Variants in FAM20A observed in about 807,000 individuals in gnomAD.
The protein encoded by FAM20A is FAM20A golgi associated secretory pathway pseudokinase.
FAM20A carries 42 observed loss-of-function variants against 52.0 expected under a neutral mutation model. That is an observed-to-expected ratio of 0.81 (90% confidence interval 0.63 to 1.04). The LOEUF (loss-of-function observed/expected upper bound fraction) is 1.04. FAM20A is among the 50% of genes least tolerant of loss of function. The pLI is 0.00. For synonymous variants in FAM20A, 304 were observed against 298.9 expected (o/e 1.02, Z -0.18); for missense variants, 742 against 712.7 (o/e 1.04, Z -0.47).
In FAM20A at chr17:68,575,616, AT is replaced by A. The variant is rs1203625465; in HGVS notation, c.405-19874del. 1.1e-4 allele frequency among the ~76,000 whole-genome samples: 12 copies of A among 108,862 alleles called. No individual in the cohort carries two copies. The East Asian group carries it at 1.2e-3, about 11-fold the overall frequency. The allele number at this position is 108,862 out of a possible 152,430, so 71.4% of individuals were successfully genotyped here. A position where few individuals can be genotyped will look rare whatever the true frequency, so the allele number is the denominator to read the frequency against. Reference sequence around the variant, plus strand: ...ATACATTATATATAATATATTCTATATTATATATAAAATATAATATAGAATA... The same window carrying A: ...ATACATTATATATAATATATTCTATATATATATAAAATATAATATAGAATA... On this transcript the variant is annotated intron_variant, in intron 1 of 10. Transcript: ENST00000592554.
chr17:68,584,135 G>A (rs958790094), intron 1 of FAM20A, among the ~76,000 whole-genome samples: 4 of 151,710 alleles, frequency 2.6e-5, no homozygotes, highest in African/African-American at 4.8e-5. Context: ...TGACCAACAC[G>A]GTGAAACCCT....
At chr17:68,554,016 A>G (rs2086969434) in intron 3 of FAM20A, among the ~76,000 whole-genome samples, 1 of 91,628 alleles carries the variant, frequency 1.1e-5, no homozygotes. Flanking sequence ...GCATATATAC[A>G]TATATACATA....
chr17:68,552,924 A>G (rs981248431), intron 3 of FAM20A, among the ~76,000 whole-genome samples: 1 of 106,186 alleles, frequency 9.4e-6, no homozygotes, highest in Non-Finnish European at 2.2e-5. Context: ...CTCATGATCC[A>G]CCCGCCTCGG....
chr17:68,543,761 C>T, intron 4 of FAM20A, 40 bp from the exon 5 acceptor site: 1 of 1,555,588 alleles, frequency 6.4e-7, no homozygotes, highest in Non-Finnish European at 8.9e-7. Flanking sequence ...ACTCAGACTT[C>T]AGCTGGGAGC....
In FAM20A at chr17:68,536,739, T is replaced by A. The variant is rs1351625475; in HGVS notation, c.*738A>T. The A allele has an allele frequency of 2.2e-6, 1 of 454,126 alleles. No individual in the cohort carries two copies. The highest frequency in any genetic ancestry group is 6.9e-5 in the East Asian group (1 of 14,396). 28.1% of individuals were successfully genotyped at this position (454,126 alleles called of 1,614,324 possible). ...CCTGACCTTGGAGGACTTTCCTTTTTTTTTCCTTCGTTGTAATTATTTATT... is the reference window on the plus strand; with the variant it reads ...CCTGACCTTGGAGGACTTTCCTTTTATTTTCCTTCGTTGTAATTATTTATT... On this transcript the variant is annotated 3_prime_UTR_variant, in exon 11 of 11. Transcript: ENST00000592554.
chr17:68,592,388 T>A (rs564461925), intron 1 of FAM20A, among the ~76,000 whole-genome samples: 74 of 152,282 alleles, frequency 4.9e-4, no homozygotes, highest in African/African-American at 1.8e-3. Context: ...TATAAAAAAA[T>A]TCCGTTTCAA....
intron 1 of FAM20A, among the ~76,000 whole-genome samples, chr17:68,591,310 AG>A (rs1406918820): frequency 6.6e-6 from 1 of 152,174 alleles, no homozygotes. Context: ...CGTGTTAGCC[AG>A]GATGGTCTCA....
rs2086067983 is a variant in FAM20A, at chr17:68,535,244, T to C, written c.*2233A>G. On this transcript the variant is annotated 3_prime_UTR_variant, in exon 11 of 11. Coordinates refer to ENST00000592554, the MANE Select transcript of FAM20A (RefSeq NM_017565.4). ...GAGAAATGAGTCTTAATTTTGTTAC[T>C]AATCAAAAAGTAATGGAAGGTTGAA... 4.4e-6 allele frequency: 2 copies of C among 451,174 alleles called. No individual in the cohort carries two copies. The highest frequency in any genetic ancestry group is 4.0e-5 in the African/African-American group (2 of 49,882). The allele number at this position is 451,174 out of a possible 1,614,324, so 27.9% of individuals were successfully genotyped here.
Position 68,600,803 on chromosome 17 carries a change from C to A in FAM20A, c.-137G>T. 1 of 955,002 alleles carries A rather than the reference C, an allele frequency of 1.0e-6. No individual in the cohort carries two copies. Among genetic ancestry groups the A allele is most frequent in the Non-Finnish European group, 1.5e-6 (1 of 662,514 alleles). The allele number at this position is 955,002 out of a possible 1,614,324, so 59.2% of individuals were successfully genotyped here. A position where few individuals can be genotyped will look rare whatever the true frequency, so the allele number is the denominator to read the frequency against. ...GTCAGTGAGACCGGAATGCTCCCCG[C>A]GCGGGCTAGTCCCCTGTGGAGGGGT... On this transcript the variant is annotated 5_prime_UTR_variant, in exon 1 of 11. Coordinates refer to ENST00000592554, the MANE Select transcript of FAM20A (RefSeq NM_017565.4). The surrounding 1 kb of genome is among the most constrained non-coding windows in gnomAD (Gnocchi z 6.2).
At chr17:68,584,544 C>T (rs577915645) in intron 1 of FAM20A, among the ~76,000 whole-genome samples, 19 of 152,278 alleles carry the variant, frequency 1.2e-4, no homozygotes, top group Non-Finnish European at 2.4e-4. Flanking sequence ...TGAAAGTAGA[C>T]GCAAAGGACA....
At position 68,537,880 on chromosome 17, in the gene FAM20A, A is replaced by G; in HGVS notation, c.1362-139T>C. 1 of 991,304 alleles carries G rather than the reference A, an allele frequency of 1.0e-6. No individual in the cohort carries two copies. Among genetic ancestry groups the G allele is most frequent in the Non-Finnish European group, 1.5e-6 (1 of 655,334 alleles). The allele number at this position is 991,304 out of a possible 1,614,324, so 61.4% of individuals were successfully genotyped here. On this transcript the variant is annotated intron_variant, in intron 10 of 10. Coordinates refer to ENST00000592554, the MANE Select transcript of FAM20A (RefSeq NM_017565.4). This position sits in a 1 kb window ranked among gnomAD's most constrained non-coding sequence, Gnocchi z 4.2. ...TGTCTTCTCAGGCACATTTTAATGG[A>G]AACCAGGTAAAAAGGGAACAAATGA... is the stretch of plus-strand genomic sequence containing the variant.
intron 4 of FAM20A, among the ~76,000 whole-genome samples, chr17:68,545,815 C>T (rs1226543519): frequency 2.0e-5 from 3 of 152,186 alleles, no homozygotes; most frequent in East Asian, 3.8e-4. Context: ...ATGTTCACAG[C>T]GTCTTCACCA....
At chr17:68,584,747 G>A (rs2088119950) in intron 1 of FAM20A, among the ~76,000 whole-genome samples, 1 of 152,224 alleles carries the variant, frequency 6.6e-6, no homozygotes, top group Non-Finnish European at 1.5e-5. Context: ...ACTGCAAGCA[G>A]CCTTAACAGA....
Position 68,544,128 on chromosome 17 carries a change from G to T in FAM20A, c.720-407C>A, listed in dbSNP as rs575538104. On this transcript the variant is annotated intron_variant, in intron 4 of 10. Transcript: ENST00000592554. The stretch of plus-strand genomic sequence containing the variant: ...GATGTCCAAGGATGAAGAAAGGTGG[G>T]GTATGAGCCAGGAATTGGTAATGGA... Among the ~76,000 whole-genome samples, 35 of 152,240 alleles carry T rather than the reference G, an allele frequency of 2.3e-4. No individual in the cohort carries two copies. The South Asian group carries it at 6.8e-3, about 30-fold the overall frequency.
intron 4 of FAM20A, among the ~76,000 whole-genome samples, chr17:68,544,704 C>T (rs1203045295): frequency 2.6e-5 from 4 of 150,946 alleles, no homozygotes; most frequent in African/African-American, 4.8e-5. Context: ...GTGCAGCCAC[C>T]GTTACAGCAC....
intron 1 of FAM20A, among the ~76,000 whole-genome samples, chr17:68,579,880 A>G (rs1412603904): frequency 1.3e-5 from 2 of 152,204 alleles, no homozygotes; most frequent in Non-Finnish European, 2.9e-5. Context: ...CATGACCCCA[A>G]CTAACTGCTG....
intron 9 of FAM20A, 28 bp downstream of exon 9, chr17:68,539,857 A>T: frequency 6.2e-7 from 1 of 1,607,110 alleles, no homozygotes; most frequent in Non-Finnish European, 8.5e-7. Context: ...GGGAGAGGGG[A>T]TTGTTGAACA....
intron 3 of FAM20A, among the ~76,000 whole-genome samples, chr17:68,553,504 C>T (rs2086935909): frequency 6.6e-6 from 1 of 152,104 alleles, no homozygotes; most frequent in South Asian, 2.1e-4. Flanking sequence ...GATGACTGGC[C>T]TGAGGGCTTT....
At position 68,536,755 on chromosome 17, in the gene FAM20A, ATTAT is replaced by A. The variant is rs1052644812; in HGVS notation, c.*718_*721del. The A allele has an allele frequency of 2.0e-5, 9 of 453,670 alleles. No homozygotes were observed. The highest frequency in any genetic ancestry group is 4.7e-5 in the South Asian group (3 of 64,470). The allele number at this position is 453,670 out of a possible 1,614,324, so 28.1% of individuals were successfully genotyped here. A position where few individuals can be genotyped will look rare whatever the true frequency, so the allele number is the denominator to read the frequency against. On this transcript the variant is annotated 3_prime_UTR_variant, in exon 11 of 11. Coordinates refer to ENST00000592554, the MANE Select transcript of FAM20A (RefSeq NM_017565.4). ...TTTCCTTTTTTTTTCCTTCGTTGTA[ATTAT>A]TTATTCTGTTACTGGCTGCTTAGTG...
Sources: gnomAD v4.1 joint callset for allele counts (sites outside exome capture counted in the v4.1 genomes callset) on GRCh38, gnomAD v4.1.1 for gene constraint, Gnocchi (gnomAD v3.1) non-coding constraint, MANE v1.5 for transcripts, NCBI Gene and HGNC (gene_info 2026-07-23, HGNC 2026-07-21) for gene names.